The following NBPF26 variants were observed in gnomAD, a reference collection of about 807,000 sequenced individuals.
NBPF26 encodes the protein NBPF family member NBPF26.
A neutral mutation model predicts 119.6 loss-of-function variants in NBPF26; 79 were observed. That is an observed-to-expected ratio of 0.66 (90% CI 0.55 to 0.80). The LOEUF is 0.80. Among genes scored for constraint, NBPF26 ranks in the 30% least tolerant of loss-of-function variants. The probability of loss-of-function intolerance (pLI) is 0.00; values close to 1 mark genes in which losing one functional copy is unlikely to be tolerated. For missense variants in NBPF26, 800 were observed against 1,198.2 expected (o/e 0.67, Z 4.91); for synonymous variants, 299 against 457.7 (o/e 0.65, Z 4.43).
chr1:120,769,003 CTT>C (rs1358371538), intron 2 of NBPF26, among the ~76,000 whole-genome samples: 2 of 117,426 alleles, frequency 1.7e-5, no homozygotes, highest in African/African-American at 4.0e-5. Context: ...TAAAATATAA[CTT>C]TGTGTCACAT....
At position 120,727,341 on chromosome 1, in the gene NBPF26, G is replaced by C. The variant is rs1313367458; in HGVS notation, c.73+3091G>C. The stretch of plus-strand genomic sequence containing the variant: ...GTGTATGAGGTCTTTCTAAATTTAA[G>C]AAATTTCCATAACAAATGTAACCTT... On this transcript the variant is annotated intron_variant, in intron 1 of 29. Coordinates refer to ENST00000620612, the Ensembl canonical transcript of NBPF26. Among the ~76,000 whole-genome samples, 5 of 110,448 alleles carry C rather than the reference G, an allele frequency of 4.5e-5. 1 individual carries two copies. Among genetic ancestry groups the C allele is most frequent in the African/African-American group, 2.8e-4 (5 of 18,076 alleles). The allele number at this position is 110,448 out of a possible 152,430, so 72.5% of individuals were successfully genotyped here.
chr1:120,840,331 G>C lies in NBPF26; in HGVS notation c.4104-19G>C. Reference sequence around the variant, plus strand: ...CCGATTTTCCCTGGCTGCTTCTTTAGTTTTGTCTCCTTTTGCAGGCTCAAC... The same window carrying C: ...CCGATTTTCCCTGGCTGCTTCTTTACTTTTGTCTCCTTTTGCAGGCTCAAC... On this transcript the variant is annotated intron_variant, in intron 29 of 29. Coordinates refer to ENST00000620612, the Ensembl canonical transcript of NBPF26. The C allele has an allele frequency of 3.5e-6, 5 of 1,444,322 alleles. 1 individual carries two copies. The highest frequency in any genetic ancestry group is 4.6e-6 in the Non-Finnish European group (5 of 1,082,586). 89.5% of individuals were successfully genotyped at this position (1,444,322 alleles called of 1,614,324 possible). A position where few individuals can be genotyped will look rare whatever the true frequency, so the allele number is the denominator to read the frequency against.
At position 120,793,562 on chromosome 1, in the gene NBPF26, G is replaced by C. The variant is rs1369261222; in HGVS notation, c.751+66G>C. ...CCTAGCACAGGAGGTAGTGGGTGTGGCTCAATTGCATTTTTTAGGAAGCGC... is the reference window on the plus strand; with the variant it reads ...CCTAGCACAGGAGGTAGTGGGTGTGCCTCAATTGCATTTTTTAGGAAGCGC... On this transcript the variant is annotated intron_variant, in intron 4 of 29. Coordinates refer to ENST00000620612, the Ensembl canonical transcript of NBPF26. 4.5e-6 allele frequency: 5 copies of C among 1,111,090 alleles called. No individual in the cohort carries two copies. The Admixed American group carries it at 1.1e-4, about 25-fold the overall frequency. 68.8% of individuals were successfully genotyped at this position (1,111,090 alleles called of 1,614,324 possible). A position where few individuals can be genotyped will look rare whatever the true frequency, so the allele number is the denominator to read the frequency against.
chr1:120,828,379 AG>A (rs1450309575), intron 18 of NBPF26, among the ~76,000 whole-genome samples: 1 of 68,286 alleles, frequency 1.5e-5, no homozygotes, highest in East Asian at 3.8e-4. Context: ...TCATTGCCAC[AG>A]GGAGGACCTA....
chr1:120,840,608 G>A lies in NBPF26; in HGVS notation c.*15G>A. ...TCCCACAATAAGCAGCCCTTACTAA[G>A]CCGAGAGGTGTCATTCCTGCAGGCA... On this transcript the variant is annotated 3_prime_UTR_variant, in exon 30 of 30. Transcript: ENST00000620612. The A allele has an allele frequency of 5.5e-6, 8 of 1,459,822 alleles. 1 individual carries two copies. The highest frequency in any genetic ancestry group is 2.4e-4 in the Middle Eastern group (1 of 4,156). The allele number at this position is 1,459,822 out of a possible 1,614,324, so 90.4% of individuals were successfully genotyped here. A position where few individuals can be genotyped will look rare whatever the true frequency, so the allele number is the denominator to read the frequency against.
intron 1 of NBPF26, among the ~76,000 whole-genome samples, chr1:120,742,296 ACT>A (rs1406598552): frequency 1.3e-4 from 2 of 15,664 alleles, no homozygotes; most frequent in Non-Finnish European, 9.9e-5. Flanking sequence ...CTCTGATTTA[ACT>A]CTGTGTGTGT....
At chr1:120,790,010 CTTTT>C (rs1174501165) in intron 3 of NBPF26, among the ~76,000 whole-genome samples, 2 of 34,940 alleles carry the variant, frequency 5.7e-5, no homozygotes. Context: ...TTCTGATCAC[CTTTT>C]TTTTTTTTTT....
In NBPF26 at chr1:120,758,791, CTTG is replaced by C. The variant is rs1409051915; in HGVS notation, c.74-4831_74-4829del. ...TAATTCCCACTTCAAGGCTTTTACA[CTTG>C]TTGTTTCCTCTGCCTGGGGTGCTCT... On this transcript the variant is annotated intron_variant, in intron 1 of 29. Transcript: ENST00000620612. 1.2e-3 allele frequency among the ~76,000 whole-genome samples: 63 copies of C among 53,736 alleles called. 12 individuals are homozygous for C. The highest frequency in any genetic ancestry group is 1.9e-3 in the Admixed American group (11 of 5,792). 35.3% of individuals were successfully genotyped at this position (53,736 alleles called of 152,430 possible).
Position 120,785,138 on chromosome 1 carries a change from A to T in NBPF26, c.320A>T (p.His107Leu), listed in dbSNP as rs1651407377. 21 of 1,446,234 alleles carry T rather than the reference A, an allele frequency of 1.5e-5. 4 individuals are homozygous for T. The highest frequency in any genetic ancestry group is 1.8e-5 in the Non-Finnish European group (19 of 1,082,352). The allele number at this position is 1,446,234 out of a possible 1,614,324, so 89.6% of individuals were successfully genotyped here. The stretch of plus-strand genomic sequence containing the variant: ...GAGGACTGCCAGTACTCGACACCTC[A>T]TCCATGCTTTGTGTCTCGACCTTGC... Residue 107 changes from histidine (H) to leucine (L), a missense_variant, in exon 3 of 30, where the codon CAT becomes CTT. This residue lies in a region of NBPF26 where 209 missense variants were observed against 285.2 expected (regional missense o/e 0.73). Transcript: ENST00000620612.
intron 1 of NBPF26, among the ~76,000 whole-genome samples, chr1:120,752,508 T>C (rs1429636985): frequency 0.014 from 534 of 39,554 alleles, 1 homozygote; most frequent in Admixed American, 0.021. Flanking sequence ...AAATAAAAAT[T>C]GAAGTTCAGG....
In NBPF26 at chr1:120,812,165, G is replaced by A. The variant is rs1174353305; in HGVS notation, c.1774+70G>A. The A allele has an allele frequency of 1.1e-5, 10 of 941,738 alleles. 1 individual carries two copies. The Admixed American group carries it at 1.8e-4, about 17-fold the overall frequency. The allele number at this position is 941,738 out of a possible 1,614,324, so 58.3% of individuals were successfully genotyped here. ...CTGTCTTCTCTCTGAGACACTAAATGCTCTCTCCATCAAAAATAATGTCAT... is the reference window on the plus strand; with the variant it reads ...CTGTCTTCTCTCTGAGACACTAAATACTCTCTCCATCAAAAATAATGTCAT... On this transcript the variant is annotated intron_variant, in intron 10 of 29. Coordinates refer to ENST00000620612, the Ensembl canonical transcript of NBPF26.
Position 120,778,139 on chromosome 1 carries a change from A to G in NBPF26, c.156-6835A>G, listed in dbSNP as rs1413829774. Among the ~76,000 whole-genome samples, 17 of 89,428 alleles carry G rather than the reference A, an allele frequency of 1.9e-4. 2 individuals carry two copies. The highest frequency in any genetic ancestry group is 8.8e-3 in the Middle Eastern group (2 of 228). The allele number at this position is 89,428 out of a possible 152,430, so 58.7% of individuals were successfully genotyped here. ...TAAGCTGGCATTATGGTCACAGGAA[A>G]GAACAGACTGATTTGGAGCCTTTCA... On this transcript the variant is annotated intron_variant, in intron 2 of 29. Coordinates refer to ENST00000620612, the Ensembl canonical transcript of NBPF26.
In NBPF26 at chr1:120,791,365, C is replaced by G. The variant is rs1456056309; in HGVS notation, c.416-1796C>G. On this transcript the variant is annotated intron_variant, in intron 3 of 29. Coordinates refer to ENST00000620612, the Ensembl canonical transcript of NBPF26. ...ATGCACACGTATGTTTATTGCGGCACTATTCACAATAGCAAAGAGTTGGAA... is the reference window on the plus strand; with the variant it reads ...ATGCACACGTATGTTTATTGCGGCAGTATTCACAATAGCAAAGAGTTGGAA... Among the ~76,000 whole-genome samples the G allele has an allele frequency of 2.8e-5, 3 of 105,472 alleles. 1 individual carries two copies. The highest frequency in any genetic ancestry group is 2.8e-4 in the Admixed American group (3 of 10,706). 69.2% of individuals were successfully genotyped at this position (105,472 alleles called of 152,430 possible).
chr1:120,817,239 A>G (rs1652028835), intron 14 of NBPF26, among the ~76,000 whole-genome samples: 1 of 114,534 alleles, frequency 8.7e-6, no homozygotes. Context: ...CACTGCTCTC[A>G]GCTTTCATCT....
intron 15 of NBPF26, among the ~76,000 whole-genome samples, chr1:120,820,447 A>ATATATATATATAT (rs1237450716): frequency 9.2e-5 from 1 of 10,834 alleles, no homozygotes; most frequent in African/African-American, 5.5e-4. Context: ...AAGTATTAAA[A>ATATATATATATAT]ATATATATAT....
intron 14 of NBPF26, among the ~76,000 whole-genome samples, chr1:120,817,847 A>G (rs1652041763): frequency 1.9e-5 from 2 of 107,876 alleles, no homozygotes; most frequent in South Asian, 5.5e-4. Flanking sequence ...ATTTTTGGAG[A>G]TTTTTTTGGG....
At position 120,724,160 on chromosome 1, in the gene NBPF26, G is replaced by T. The variant is rs1650787161; in HGVS notation, c.-18G>T. 7 of 1,381,710 alleles carry T rather than the reference G, an allele frequency of 5.1e-6. 1 individual carries two copies. Among genetic ancestry groups the T allele is most frequent in the Non-Finnish European group, 6.6e-6 (7 of 1,059,182 alleles). The allele number at this position is 1,381,710 out of a possible 1,614,324, so 85.6% of individuals were successfully genotyped here. A position where few individuals can be genotyped will look rare whatever the true frequency, so the allele number is the denominator to read the frequency against. ...GGCGGCGGCGGCGGCGGAGGAGGAG[G>T]AGGAGGCGACCGAGAAGATGCCCGC... On this transcript the variant is annotated 5_prime_UTR_variant, in exon 1 of 30. Coordinates refer to ENST00000620612, the Ensembl canonical transcript of NBPF26.
Position 120,840,341 on chromosome 1 carries a change from C to T in NBPF26, c.4104-9C>T, listed in dbSNP as rs201234632. 4.2e-6 allele frequency: 6 copies of T among 1,444,838 alleles called. 1 individual carries two copies. The highest frequency in any genetic ancestry group is 5.5e-6 in the Non-Finnish European group (6 of 1,082,746). 89.5% of individuals were successfully genotyped at this position (1,444,838 alleles called of 1,614,324 possible). A position where few individuals can be genotyped will look rare whatever the true frequency, so the allele number is the denominator to read the frequency against. On this transcript the variant is annotated splice_polypyrimidine_tract_variant and intron_variant, in intron 29 of 29. Transcript: ENST00000620612. ...CTGGCTGCTTCTTTAGTTTTGTCTC[C>T]TTTTGCAGGCTCAACAGCATGCTGA...
chr1:120,823,835 G>A lies in NBPF26; in HGVS notation c.2640-139G>A. The A allele has an allele frequency of 5.3e-6, 3 of 563,366 alleles. 1 individual carries two copies. The highest frequency in any genetic ancestry group is 9.5e-6 in the Non-Finnish European group (3 of 316,412). The allele number at this position is 563,366 out of a possible 1,614,324, so 34.9% of individuals were successfully genotyped here. A position where few individuals can be genotyped will look rare whatever the true frequency, so the allele number is the denominator to read the frequency against. On this transcript the variant is annotated intron_variant, in intron 17 of 29. Coordinates refer to ENST00000620612, the Ensembl canonical transcript of NBPF26. Reference sequence around the variant, plus strand: ...TGGCCCTGTTCTATCCCAACATAAAGGCAATAATCTGTTACCTCATTAATG... The same window carrying A: ...TGGCCCTGTTCTATCCCAACATAAAAGCAATAATCTGTTACCTCATTAATG...
Sources: allele counts gnomAD v4.1 joint callset (sites outside exome capture counted in the v4.1 genomes callset), GRCh38; gene constraint gnomAD v4.1.1; regional missense constraint gnomAD v4.1.1; transcripts MANE v1.5; gene names NCBI Gene and HGNC (gene_info 2026-07-23, HGNC 2026-07-21).